Variants in EXTL3 observed in about 807,000 individuals in gnomAD.
The protein encoded by EXTL3 is exostosin like glycosyltransferase 3, also known as exostosin-like 3.
A neutral mutation model predicts 69.3 loss-of-function variants in EXTL3; 27 were observed. The ratio of observed to expected loss-of-function variants is 0.39; its 90% confidence interval spans 0.29 to 0.54. EXTL3 has a LOEUF of 0.54. Among genes scored for constraint, EXTL3 ranks in the 20% least tolerant of loss-of-function variants. The pLI, the probability that EXTL3 is intolerant of heterozygous loss-of-function variation, is 0.69. For missense variants in EXTL3, 1,003 were observed against 1,231.8 expected, an observed-to-expected ratio of 0.81 and a Z score of 2.78; for synonymous variants, 511 against 499.4, an observed-to-expected ratio of 1.02 and a Z score of -0.31.
chr8:28,635,637 G>A (rs1806641411), intron 1 of EXTL3, among the ~76,000 whole-genome samples: 1 of 151,352 alleles, frequency 6.6e-6, no homozygotes, highest in African/African-American at 2.4e-5. Context: ...TGTGAACCTG[G>A]GAGGTGGAGC....
intron 1 of EXTL3, among the ~76,000 whole-genome samples, chr8:28,640,730 G>A (rs1315463898): frequency 1.3e-5 from 2 of 152,094 alleles, no homozygotes; most frequent in East Asian, 1.9e-4. Context: ...AGCCTCCCAA[G>A]TAGATGGGAC....
chr8:28,720,092 T>G (rs535452163), intron 3 of EXTL3, among the ~76,000 whole-genome samples: 1 of 152,322 alleles, frequency 6.6e-6, no homozygotes, highest in East Asian at 1.9e-4. Flanking sequence ...CACTCCATCC[T>G]GTAAATATTG....
chr8:28,687,042 T>G (rs1389707255), intron 1 of EXTL3, among the ~76,000 whole-genome samples: 1 of 152,216 alleles, frequency 6.6e-6, no homozygotes, highest in African/African-American at 2.4e-5. Context: ...GAGGTGGGAC[T>G]GTCAGGCCCT....
intron 1 of EXTL3, among the ~76,000 whole-genome samples, chr8:28,674,431 A>T (rs1390551230): frequency 6.6e-6 from 1 of 152,152 alleles, no homozygotes; most frequent in Non-Finnish European, 1.5e-5. Flanking sequence ...GTTGGTTGGA[A>T]CCCTAATGTC....
At chr8:28,613,193 C>A (rs28816511) in intron 2 of EXTL3, among the ~76,000 whole-genome samples, 1 of 151,040 alleles carries the variant, frequency 6.6e-6, no homozygotes, top group Non-Finnish European at 1.5e-5. Flanking sequence ...TTTGTTTTTT[C>A]TTTTTTTTGA....
chr8:28,613,990 CT>C (rs900595649), intron 2 of EXTL3, among the ~76,000 whole-genome samples: 7 of 151,690 alleles, frequency 4.6e-5, no homozygotes, highest in South Asian at 2.1e-4. Context: ...CACCCAGCTA[CT>C]TTTTTTATGT....
intron 4 of EXTL3, 134 bp downstream of exon 4, chr8:28,731,484 C>T (rs1585287100): frequency 1.1e-5 from 10 of 906,530 alleles, no homozygotes; most frequent in East Asian, 7.9e-5. Flanking sequence ...TAGGACGTGG[C>T]TGGATGCAGG....
intron 6 of EXTL3, among the ~76,000 whole-genome samples, chr8:28,745,184 G>A (rs994775745): frequency 6.6e-6 from 1 of 152,174 alleles, no homozygotes. Context: ...CTCCAGCCTG[G>A]GCATTGTAGT....
At chr8:28,740,185 C>T (rs928501497) in intron 5 of EXTL3, 11 of 152,320 alleles carry the variant, frequency 7.2e-5, no homozygotes, top group African/African-American at 2.4e-4. Context: ...CTCTGAGGTC[C>T]TGTCTGGGGC....
chr8:28,628,828 A>AT (rs1806532001), intron 1 of EXTL3, among the ~76,000 whole-genome samples: 3 of 152,032 alleles, frequency 2.0e-5, no homozygotes, highest in South Asian at 4.2e-4. Flanking sequence ...TAAGTTTTGT[A>AT]TTTTTTGTGG....
At chr8:28,737,377 T>A in intron 4 of EXTL3, 142 bp from the exon 5 acceptor site, 3 of 885,140 alleles carry the variant, frequency 3.4e-6, no homozygotes, top group Non-Finnish European at 5.5e-6. Context: ...TGGCTTGTTG[T>A]TGATTTTGTT....
chr8:28,688,240 T>G (rs1800557350), intron 1 of EXTL3, among the ~76,000 whole-genome samples: 1 of 152,008 alleles, frequency 6.6e-6, no homozygotes, highest in Admixed American at 6.6e-5. Context: ...TTTTTTTGTA[T>G]TTTTAGTAGA....
rs1446629440 is a variant in EXTL3, at chr8:28,752,264, G to C, written c.*1398G>C. 1 of 152,516 alleles carries C rather than the reference G, an allele frequency of 6.6e-6. No homozygotes were observed. The highest frequency in any genetic ancestry group is 1.9e-4 in the East Asian group (1 of 5,192). 9.4% of individuals were successfully genotyped at this position (152,516 alleles called of 1,614,324 possible). A position where few individuals can be genotyped will look rare whatever the true frequency, so the allele number is the denominator to read the frequency against. On this transcript the variant is annotated 3_prime_UTR_variant, in exon 7 of 7. Coordinates refer to ENST00000220562, the MANE Select transcript of EXTL3 (RefSeq NM_001440.4). ...ATTTTTTGGGTCACGGTGGCAGTAGGGGAACCTAGGAGGGTGTGAGTGGCA... is the reference window on the plus strand; with the variant it reads ...ATTTTTTGGGTCACGGTGGCAGTAGCGGAACCTAGGAGGGTGTGAGTGGCA...
intron 1 of EXTL3, among the ~76,000 whole-genome samples, chr8:28,648,038 G>C (rs1283185832): frequency 2.6e-5 from 4 of 152,080 alleles, no homozygotes. Flanking sequence ...AGAAATCCAA[G>C]AGTTGACGCC....
chr8:28,709,877 T>C (rs1431291811), intron 1 of EXTL3, among the ~76,000 whole-genome samples: 1 of 152,036 alleles, frequency 6.6e-6, no homozygotes, highest in African/African-American at 2.4e-5. Flanking sequence ...CGTGCACAGT[T>C]CTGGATTGGA....
intron 1 of EXTL3, among the ~76,000 whole-genome samples, chr8:28,665,574 G>A (rs1232591811): frequency 6.6e-6 from 1 of 151,800 alleles, no homozygotes; most frequent in Non-Finnish European, 1.5e-5. Flanking sequence ...ACCACACCAA[G>A]CTAATTTTTG....
At chr8:28,641,604 G>C (rs1388826518) in intron 1 of EXTL3, among the ~76,000 whole-genome samples, 1 of 151,952 alleles carries the variant, frequency 6.6e-6, no homozygotes, top group Non-Finnish European at 1.5e-5. Flanking sequence ...AGCCTCCGGA[G>C]TAGCTGGGAT....
intron 5 of EXTL3, chr8:28,740,906 G>A (rs748531915): frequency 1.3e-5 from 2 of 152,074 alleles, no homozygotes; most frequent in Non-Finnish European, 2.9e-5. Flanking sequence ...AATCTTGATT[G>A]GATACTGTGT....
At position 28,717,184 on chromosome 8, in the gene EXTL3, C is replaced by T. The variant is rs377701283; in HGVS notation, c.1125C>T (p.Tyr375=). ...TGGAGGGCGACCCTCCCGCCGACTA[C>T]GATGACCGGATCATTGCCACCCTGA... ...EEMEGDPPAD[Y]DDRIIATLKA... is the part of the protein sequence containing the mutation. Residue 375 remains tyrosine (Y), a synonymous_variant, in exon 3 of 7, where the codon TAC becomes TAT. Transcript: ENST00000220562. This position sits in a 1 kb window ranked among gnomAD's most constrained non-coding sequence, Gnocchi z 8.3. 32 of 1,614,106 alleles carry T rather than the reference C, an allele frequency of 2.0e-5. No homozygotes were observed. Among genetic ancestry groups the T allele is most frequent in the African/African-American group, 1.6e-4 (12 of 74,944 alleles).
Sources: allele counts gnomAD v4.1 joint callset (sites outside exome capture counted in the v4.1 genomes callset), GRCh38; gene constraint gnomAD v4.1.1; non-coding constraint Gnocchi (gnomAD v3.1); transcripts MANE v1.5; gene names NCBI Gene and HGNC (gene_info 2026-07-23, HGNC 2026-07-21).